The following CIB1 variants were observed in gnomAD, a reference collection of about 807,000 sequenced individuals.
CIB1 encodes the protein calcium and integrin binding 1.
Under a neutral mutation model 25.0 loss-of-function variants are expected in CIB1, and 19 were observed. The ratio of observed to expected loss-of-function variants is 0.76; its 90% CI spans 0.53 to 1.12. The LOEUF is 1.12. Among genes scored for constraint, CIB1 ranks in the 50% most tolerant of loss-of-function variants. CIB1 has a pLI of 0.00. For synonymous variants in CIB1, 104 were observed against 98.5 expected, an observed-to-expected ratio of 1.06 and a Z score of -0.33; for missense variants, 236 against 242.6, an observed-to-expected ratio of 0.97 and a Z score of 0.18.
the CIB1 span, chr15:90,256,137 A>G: frequency 3.7e-6 from 6 of 1,613,808 alleles, no homozygotes; most frequent in Non-Finnish European, 5.1e-6. Context: ...CTCTCTGCAC[A>G]TAGCTATGGG....
At chr15:90,265,157 G>A in the CIB1 span, 5 of 1,247,300 alleles carry the variant, frequency 4.0e-6, no homozygotes, top group Admixed American at 3.0e-5. Flanking sequence ...ATTGGGGATC[G>A]GTAAAGACTA....
In CIB1 at chr15:90,232,519, G is replaced by A. The variant is rs4511504; in HGVS notation, c.87-192C>T. The A allele has an allele frequency of 1.3e-5, 10 of 778,358 alleles. No homozygotes were observed. The East Asian group carries it at 2.8e-4, about 22-fold the overall frequency. The allele number at this position is 778,358 out of a possible 1,614,324, so 48.2% of individuals were successfully genotyped here. A position where few individuals can be genotyped will look rare whatever the true frequency, so the allele number is the denominator to read the frequency against. Reference sequence around the variant, plus strand: ...CAGTACAGCCTAGGAGTCTATTCTTGCAATGAGTATTTACTGAGCATTTAC... The same window carrying A: ...CAGTACAGCCTAGGAGTCTATTCTTACAATGAGTATTTACTGAGCATTTAC... On this transcript the variant is annotated intron_variant, in intron 2 of 6. Coordinates refer to ENST00000328649, the MANE Select transcript of CIB1 (RefSeq NM_006384.4).
At chr15:90,256,601 C>CTTTA in the CIB1 span, among the ~76,000 whole-genome samples, 1 of 32,992 alleles carries the variant, frequency 3.0e-5, no homozygotes, top group Non-Finnish European at 5.8e-5. Flanking sequence ...TTCTTTCTTT[C>CTTTA]TTTCTTTCCT....
chr15:90,239,562 CAGG>C, the CIB1 span, among the ~76,000 whole-genome samples: 1 of 152,114 alleles, frequency 6.6e-6, no homozygotes, highest in Non-Finnish European at 1.5e-5. Context: ...CATCAGATCT[CAGG>C]AGAACTCACT....
chr15:90,259,792 C>T, the CIB1 span, among the ~76,000 whole-genome samples: 3 of 152,230 alleles, frequency 2.0e-5, no homozygotes, highest in Non-Finnish European at 2.9e-5. Flanking sequence ...GAATCGTTTA[C>T]ATCCGTGTTG....
the CIB1 span, chr15:90,262,670 G>T: frequency 6.8e-7 from 1 of 1,478,646 alleles, no homozygotes; most frequent in Non-Finnish European, 8.9e-7. Context: ...GGAGAAAGAG[G>T]TGCCAGGGGT....
chr15:90,251,251 C>T, the CIB1 span, among the ~76,000 whole-genome samples: 1 of 149,024 alleles, frequency 6.7e-6, no homozygotes, highest in African/African-American at 2.5e-5. Context: ...GTAGCTGGGA[C>T]TACAGGCACC....
At chr15:90,241,206 G>A in the CIB1 span, 2 of 1,614,176 alleles carry the variant, frequency 1.2e-6, no homozygotes, top group Non-Finnish European at 1.7e-6. Flanking sequence ...TCAGCTGAAT[G>A]TGGAGCGTGG....
At chr15:90,252,236 C>T in the CIB1 span, among the ~76,000 whole-genome samples, 12 of 152,208 alleles carry the variant, frequency 7.9e-5, no homozygotes, top group African/African-American at 2.9e-4. Context: ...AGAGTTTCTC[C>T]ATGTTGGCCA....
At chr15:90,258,157 A>G in the CIB1 span, 4 of 1,614,210 alleles carry the variant, frequency 2.5e-6, no homozygotes, top group Non-Finnish European at 3.4e-6. Flanking sequence ...GTTCTACGCC[A>G]CAACTACCGA....
chr15:90,251,368 C>G, the CIB1 span, among the ~76,000 whole-genome samples: 550 of 147,666 alleles, frequency 3.7e-3, 3 homozygotes, highest in African/African-American at 0.012. Flanking sequence ...TTGTGATCCA[C>G]CCGCCTCGGC....
intron 1 of CIB1, 25 bp from the exon 2 acceptor site, chr15:90,233,728 A>T: frequency 6.4e-7 from 1 of 1,564,608 alleles, no homozygotes; most frequent in Non-Finnish European, 8.7e-7. Flanking sequence ...CAGAGCGGGG[A>T]TTAGCGGACC....
the CIB1 span, among the ~76,000 whole-genome samples, chr15:90,249,975 A>G: frequency 6.6e-6 from 1 of 151,798 alleles, no homozygotes; most frequent in Non-Finnish European, 1.5e-5. Flanking sequence ...TTATTTATTT[A>G]GAGACAGACT....
the CIB1 span, chr15:90,241,810 C>T: frequency 1.2e-6 from 2 of 1,614,118 alleles, no homozygotes; most frequent in Non-Finnish European, 8.5e-7. Flanking sequence ...GGAAAGACAT[C>T]ACCTTCCTCA....
chr15:90,264,783 C>T, the CIB1 span: 2 of 1,536,124 alleles, frequency 1.3e-6, no homozygotes, highest in Non-Finnish European at 1.7e-6. Context: ...GTGCCACCCA[C>T]TTTAACCCCA....
the CIB1 span, chr15:90,263,270 A>C: frequency 7.3e-5 from 64 of 879,098 alleles, no homozygotes; most frequent in Non-Finnish European, 1.0e-4. Context: ...GGGAAAGCAG[A>C]GTGCGCTAGC....
the CIB1 span, chr15:90,242,098 T>C: frequency 5.2e-6 from 8 of 1,544,024 alleles, no homozygotes; most frequent in Admixed American, 7.6e-5. Context: ...TCTTTTTTTC[T>C]TTTCTTTTGA....
At chr15:90,249,432 C>G in the CIB1 span, 2 of 152,244 alleles carry the variant, frequency 1.3e-5, no homozygotes, top group South Asian at 2.1e-4. Context: ...CTGTCTCCCC[C>G]ACCCAAGGTA....
At chr15:90,240,898 A>C in the CIB1 span, 1 of 1,594,220 alleles carries the variant, frequency 6.3e-7, no homozygotes, top group East Asian at 2.2e-5. Context: ...TGACTATTTC[A>C]GGTCAGCTCT....
Sources: allele counts gnomAD v4.1 joint callset (sites outside exome capture counted in the v4.1 genomes callset), GRCh38; gene constraint gnomAD v4.1.1; transcripts MANE v1.5; gene names NCBI Gene and HGNC (gene_info 2026-07-23, HGNC 2026-07-21).